ABCC10: variants seen among roughly 807,000 people sequenced by gnomAD.
ABCC10 encodes ATP-binding cassette sub-family C member 10.
In ABCC10, 110 loss-of-function variants were observed where a neutral mutation model predicts 143.2. The ratio of observed to expected loss-of-function variants is 0.77; its 90% CI spans 0.66 to 0.90. The LOEUF is 0.90. Ranked by LOEUF, ABCC10 falls within the 40% of genes least tolerant of loss-of-function variation. The pLI is 0.00. For synonymous variants in ABCC10, 805 were observed against 846.7 expected, an observed-to-expected ratio of 0.95 and a Z score of 0.85; for missense variants, 1,700 against 1,900.5, an observed-to-expected ratio of 0.89 and a Z score of 1.96.
Position 43,444,946 on chromosome 6 carries a change from G to A in ABCC10, c.2840+8G>A. ...TTCCCCTGGAAACCTCTAGTGAGTG[G>A]CTGGGGCTGGGGGTAGGCCTGGTGC... On this transcript the variant is annotated splice_region_variant and intron_variant, in intron 13 of 21. Transcript: ENST00000372530. The A allele has an allele frequency of 1.9e-6, 3 of 1,606,446 alleles. No homozygotes were observed. Among genetic ancestry groups the A allele is most frequent in the Non-Finnish European group, 2.6e-6 (3 of 1,176,212 alleles).
Position 43,435,888 on chromosome 6 carries a change from C to T in ABCC10, c.1746C>T (p.Pro582=). 6.2e-7 allele frequency: 1 copy of T among 1,614,162 alleles called. No homozygotes were observed. The part of the protein sequence containing the change: ...QLFLDLPNHN[P]QAYYSPDPPA... ...TCCTCGACCTTCCAAACCACAACCC[C>T]CAGGCCTACTACAGCCCAGGTAATG... Residue 582 remains proline (P), a synonymous_variant, in exon 5 of 22, where the codon CCC becomes CCT. Coordinates refer to ENST00000372530, the MANE Select transcript of ABCC10 (RefSeq NM_001198934.2).
Position 43,445,860 on chromosome 6 carries a change from C to T in ABCC10, c.3292C>T (p.Leu1098Phe), listed in dbSNP as rs1451596990. 1.2e-6 allele frequency: 2 copies of T among 1,613,998 alleles called. No individual in the cohort carries two copies. Among genetic ancestry groups the T allele is most frequent in the Non-Finnish European group, 1.7e-6 (2 of 1,180,048 alleles). ...ACGGGAGCTGCGGCGCCTGGGCAGC[C>T]TCACCCTGTCTCCACTGTATAGCCA... is the stretch of plus-strand genomic sequence containing the variant. The part of the protein sequence containing the change: ...SSRELRRLGS[L>F]TLSPLYSHLA... The change falls in exon 15 of 22, where the codon CTC (leucine) becomes TTC (phenylalanine). Residue 1098 changes from leucine to phenylalanine, a missense_variant. By Grantham distance (22) the Leu-to-Phe change is conservative. Coordinates refer to ENST00000372530, the MANE Select transcript of ABCC10 (RefSeq NM_001198934.2).
Position 43,443,179 on chromosome 6 carries a change from C to T in ABCC10, c.2416+20C>T, listed in dbSNP as rs772423660. On this transcript the variant is annotated intron_variant, in intron 10 of 21. Transcript: ENST00000372530. This position sits in a 1 kb window ranked among gnomAD's most constrained non-coding sequence, Gnocchi z 4.2. ...GGGCTGGTAATGGGGGCAGGAGCCC[C>T]GTGTGAGGGAGGTGTCTGCCCAGGT... 20 of 1,565,756 alleles carry T rather than the reference C, an allele frequency of 1.3e-5. No individual in the cohort carries two copies. Among genetic ancestry groups the T allele is most frequent in the South Asian group, 2.3e-5 (2 of 85,268 alleles).
intron 2 of ABCC10, among the ~76,000 whole-genome samples, chr6:43,429,004 A>G (rs1004976844): frequency 2.0e-5 from 3 of 152,238 alleles, no homozygotes; most frequent in South Asian, 2.1e-4. Context: ...AGCTTCTCCT[A>G]TCCAAGGAAG....
chr6:43,427,770 C>A lies in ABCC10; in HGVS notation c.-12+13C>A. ...AACAGATGGCAAGGTGGGTGACCAG[C>A]GTCCAGAAATCCACTGGGGAAACCT... On this transcript the variant is annotated intron_variant, in intron 1 of 21. Coordinates refer to ENST00000372530, the MANE Select transcript of ABCC10 (RefSeq NM_001198934.2). 1 of 619,006 alleles carries A rather than the reference C, an allele frequency of 1.6e-6. No individual in the cohort carries two copies. The highest frequency in any genetic ancestry group is 1.8e-5 in the African/African-American group (1 of 54,766). 38.3% of individuals were successfully genotyped at this position (619,006 alleles called of 1,614,324 possible). A position where few individuals can be genotyped will look rare whatever the true frequency, so the allele number is the denominator to read the frequency against.
chr6:43,450,637 CT>C, downstream of ABCC10: 1 of 1,613,338 alleles, frequency 6.2e-7, no homozygotes, highest in Non-Finnish European at 8.5e-7. The surrounding 1 kb of genome is among the most constrained non-coding windows in gnomAD (Gnocchi z 4.5). Context: ...TCCTGGCACG[CT>C]GGAGCATAGT....
intron 2 of ABCC10, among the ~76,000 whole-genome samples, chr6:43,431,535 A>G (rs1424212042): frequency 6.6e-6 from 1 of 151,576 alleles, no homozygotes; most frequent in Non-Finnish European, 1.5e-5. Flanking sequence ...TAATTTTTGC[A>G]TTTTTGGTAA....
chr6:43,437,454 AAAAGGTAAACAG>A (rs1231423993), intron 6 of ABCC10, among the ~76,000 whole-genome samples: 19 of 149,930 alleles, frequency 1.3e-4, no homozygotes, highest in African/African-American at 4.6e-4. Context: ...AAAAAAAAAA[AAAAGGTAAACAG>A]AAAAATTTAA....
intron 2 of ABCC10, chr6:43,431,767 A>G (rs1048743258): frequency 4.7e-6 from 5 of 1,054,796 alleles, no homozygotes; most frequent in Non-Finnish European, 5.7e-6. Context: ...TGATCCCATC[A>G]CCAAAGTAGC....
intron 3 of ABCC10, 89 bp downstream of exon 3, chr6:43,433,449 TGA>T (rs1256635246): frequency 1.3e-5 from 19 of 1,457,364 alleles, no homozygotes; most frequent in Non-Finnish European, 1.7e-5. Flanking sequence ...CCTGAGGGAG[TGA>T]GAGTGACCTC....
chr6:43,444,446 C>T (rs868419747), intron 12 of ABCC10, 93 bp downstream of exon 12: 1 of 1,397,764 alleles, frequency 7.2e-7, no homozygotes, highest in Non-Finnish European at 9.5e-7. Flanking sequence ...CCCAGAGACT[C>T]ACCAAGCATG....
At chr6:43,450,551 G>C, downstream of ABCC10, 9 of 1,563,326 alleles carry the variant, frequency 5.8e-6, no homozygotes, top group Middle Eastern at 3.5e-4. This position sits in a 1 kb window ranked among gnomAD's most constrained non-coding sequence, Gnocchi z 4.5. Flanking sequence ...ACAGTGCTGT[G>C]GTCTTTCCAG....
At chr6:43,445,999 C>A in intron 15 of ABCC10, 57 bp downstream of exon 15, 1 of 1,530,486 alleles carries the variant, frequency 6.5e-7, no homozygotes, top group Admixed American at 1.9e-5. Context: ...AAAGAGAGAC[C>A]CCCAAGAAGA....
Position 43,432,848 on chromosome 6 carries a change from C to T in ABCC10, c.868C>T (p.Leu290=). The T allele has an allele frequency of 6.2e-7, 1 of 1,614,196 alleles. No homozygotes were observed. ...AFGRCYLALG[L]LKLVGTMLGF... The stretch of plus-strand genomic sequence containing the variant: ...TGGACGGTGCTATCTGGCACTTGGA[C>T]TGCTGAAGCTGGTGGGGACCATGTT... The change falls in exon 3 of 22, where the codon CTG becomes TTG. Residue 290 remains leucine (L), a synonymous_variant. Coordinates refer to ENST00000372530, the MANE Select transcript of ABCC10 (RefSeq NM_001198934.2).
In ABCC10 at chr6:43,447,777, A is replaced by C; in HGVS notation, c.3799A>C (p.Thr1267Pro). The C allele has an allele frequency of 1.2e-6, 2 of 1,613,626 alleles. No individual in the cohort carries two copies. Among genetic ancestry groups the C allele is most frequent in the Non-Finnish European group, 1.7e-6 (2 of 1,179,948 alleles). The change falls in exon 18 of 22, where the codon ACC (threonine) becomes CCC (proline). Residue 1267 changes from threonine to proline, a missense_variant. Coordinates refer to ENST00000372530, the MANE Select transcript of ABCC10 (RefSeq NM_001198934.2). ...GCTGCCGAATGCCCTGGATGGAGTG[A>C]CCTTCTGCGTGCAGCCTGGAGAGAA... ...PGLPNALDGV[T>P]FCVQPGEKLG...
At chr6:43,440,383 G>A (rs1417683114) in intron 8 of ABCC10, among the ~76,000 whole-genome samples, 1 of 152,202 alleles carries the variant, frequency 6.6e-6, no homozygotes, top group Non-Finnish European at 1.5e-5. Flanking sequence ...CCACTAGATG[G>A]TGAGTCCCCT....
At chr6:43,446,598 G>T in intron 16 of ABCC10, 152 bp downstream of exon 16, 1 of 1,425,998 alleles carries the variant, frequency 7.0e-7, no homozygotes, top group Non-Finnish European at 9.2e-7. Flanking sequence ...CCCCCGTTTG[G>T]AGTTGAGGAG....
Position 43,448,928 on chromosome 6 carries a change from C to G in ABCC10, c.4007C>G (p.Thr1336Ser), listed in dbSNP as rs764754258. 50 of 1,614,036 alleles carry G rather than the reference C, an allele frequency of 3.1e-5. No homozygotes were observed. Among genetic ancestry groups the G allele is most frequent in the Admixed American group, 1.0e-4 (6 of 59,994 alleles). Residue 1336 changes from threonine (T) to serine (S), a missense_variant, in exon 19 of 22, where the codon ACT (threonine) becomes AGT (serine). Coordinates refer to ENST00000372530, the MANE Select transcript of ABCC10 (RefSeq NM_001198934.2). ...IPQEPFLFSG[T>S]VRENLDPQGL... ...CAGGAGCCCTTTTTGTTCAGTGGGA[C>G]TGTTCGGGAAAACCTGGACCCCCAG... is the stretch of plus-strand genomic sequence containing the variant.
At chr6:43,434,289 G>A (rs987083558) in intron 3 of ABCC10, among the ~76,000 whole-genome samples, 1 of 152,262 alleles carries the variant, frequency 6.6e-6, no homozygotes, top group African/African-American at 2.4e-5. Context: ...CATCTAATGG[G>A]AGGAGAGCTT....
Sources: allele counts gnomAD v4.1 joint callset (sites outside exome capture counted in the v4.1 genomes callset), GRCh38; gene constraint gnomAD v4.1.1; non-coding constraint Gnocchi (gnomAD v3.1); transcripts MANE v1.5; gene names NCBI Gene and HGNC (gene_info 2026-07-23, HGNC 2026-07-21).